CDH2: variants seen among roughly 807,000 people sequenced by gnomAD.
The protein encoded by CDH2 is cadherin 2, also known as cadherin-2.
CDH2 carries 17 observed loss-of-function variants against 92.0 expected under a neutral mutation model. The ratio of observed to expected loss-of-function variants is 0.18; its 90% CI spans 0.13 to 0.28. The LOEUF (loss-of-function observed/expected upper bound fraction) is 0.28. CDH2 is among the 10% of genes least tolerant of loss of function. The probability of loss-of-function intolerance (pLI) is 1.00; values close to 1 mark genes in which losing one functional copy is unlikely to be tolerated. For missense variants in CDH2, 862 were observed against 1,133.1 expected, an observed-to-expected ratio of 0.76 and a Z score of 3.44; for synonymous variants, 419 against 415.9, an observed-to-expected ratio of 1.01 and a Z score of -0.09.
At position 28,103,561 on chromosome 18, in the gene CDH2, T is replaced by A. The variant is rs573804098; in HGVS notation, c.172+44112A>T. ...ATACACTGCAGAACGTGCAGGTTTGTTACATAGGTATACACATGCCATGGT... is the reference window on the plus strand; with the variant it reads ...ATACACTGCAGAACGTGCAGGTTTGATACATAGGTATACACATGCCATGGT... On this transcript the variant is annotated intron_variant, in intron 2 of 15. Transcript: ENST00000269141. Among the ~76,000 whole-genome samples, 8 of 151,790 alleles carry A rather than the reference T, an allele frequency of 5.3e-5. No individual in the cohort carries two copies. The South Asian group carries it at 1.5e-3, about 28-fold the overall frequency.
intron 7 of CDH2, among the ~76,000 whole-genome samples, chr18:27,998,922 T>G (rs887845518): frequency 6.6e-6 from 1 of 152,096 alleles, no homozygotes; most frequent in African/African-American, 2.4e-5. Context: ...AGGTAAAGTA[T>G]AGTAACTTAA....
intron 4 of CDH2, among the ~76,000 whole-genome samples, chr18:28,010,413 C>T (rs1220450940): frequency 6.6e-6 from 1 of 152,152 alleles, no homozygotes. Context: ...TTTTAAGTGA[C>T]ACCTGAAATT....
At chr18:28,013,429 T>C (rs552344112) in intron 3 of CDH2, among the ~76,000 whole-genome samples, 15 of 152,342 alleles carry the variant, frequency 9.8e-5, no homozygotes, top group African/African-American at 3.4e-4. Context: ...TAAAACAAAC[T>C]GCTTCTAACT....
chr18:28,008,101 A>G (rs1301170309), intron 5 of CDH2, among the ~76,000 whole-genome samples: 1 of 152,180 alleles, frequency 6.6e-6, no homozygotes, highest in Non-Finnish European at 1.5e-5. Flanking sequence ...TGACCTGAAT[A>G]TACTCATTTC....
intron 5 of CDH2, among the ~76,000 whole-genome samples, chr18:28,007,792 G>C (rs1053113363): frequency 2.0e-5 from 3 of 152,024 alleles, no homozygotes; most frequent in African/African-American, 7.2e-5. Flanking sequence ...GCATTGGCAC[G>C]ATCTCGGCTT....
chr18:27,947,469 A>G (rs190925178), downstream of CDH2, among the ~76,000 whole-genome samples: 5 of 151,984 alleles, frequency 3.3e-5, no homozygotes, highest in Admixed American at 2.6e-4. Context: ...ACTTCACAAA[A>G]TAATTCTACA....
At chr18:28,104,006 G>C (rs1187306776) in intron 2 of CDH2, among the ~76,000 whole-genome samples, 1 of 152,092 alleles carries the variant, frequency 6.6e-6, no homozygotes, top group African/African-American at 2.4e-5. Flanking sequence ...CACTTTTTCT[G>C]GCAAAGTCTG....
At chr18:28,076,926 A>G (rs2014731876) in intron 2 of CDH2, among the ~76,000 whole-genome samples, 1 of 152,136 alleles carries the variant, frequency 6.6e-6, no homozygotes, top group Admixed American at 6.6e-5. Flanking sequence ...TAAATGCTAT[A>G]ATGCATAGGA....
chr18:28,078,464 C>T (rs891034324), intron 2 of CDH2, among the ~76,000 whole-genome samples: 89 of 151,962 alleles, frequency 5.9e-4, no homozygotes, highest in African/African-American at 2.1e-3. Context: ...ACAGCAGAGA[C>T]CATAGTTGGT....
At chr18:27,947,437 T>G (rs966981141), downstream of CDH2, among the ~76,000 whole-genome samples, 8 of 151,780 alleles carry the variant, frequency 5.3e-5, no homozygotes, top group African/African-American at 1.9e-4. Flanking sequence ...TCAATCAAAT[T>G]TTGAATAAAA....
At chr18:28,003,730 C>T (rs147759281) in intron 6 of CDH2, among the ~76,000 whole-genome samples, 8 of 152,274 alleles carry the variant, frequency 5.3e-5, no homozygotes, top group African/African-American at 1.2e-4. Context: ...GATTTGGCAT[C>T]GTGGTTCATT....
At chr18:28,122,295 C>T (rs570698337) in intron 2 of CDH2, among the ~76,000 whole-genome samples, 2 of 152,174 alleles carry the variant, frequency 1.3e-5, no homozygotes, top group South Asian at 2.1e-4. Context: ...TCAAACAACC[C>T]CCCTTTTTAA....
intron 14 of CDH2, among the ~76,000 whole-genome samples, chr18:27,980,407 G>C (rs910304974): frequency 5.3e-5 from 8 of 152,176 alleles, no homozygotes; most frequent in African/African-American, 1.9e-4. Flanking sequence ...GGAGGTAAGT[G>C]AAGGTAGAGG....
At chr18:28,017,083 G>C (rs548895940) in intron 2 of CDH2, among the ~76,000 whole-genome samples, 1 of 151,968 alleles carries the variant, frequency 6.6e-6, no homozygotes, top group Non-Finnish European at 1.5e-5. Context: ...GTAGTTTTTT[G>C]TTGTTGTTCT....
At chr18:28,133,901 G>A (rs539949584) in intron 2 of CDH2, among the ~76,000 whole-genome samples, 1 of 152,200 alleles carries the variant, frequency 6.6e-6, no homozygotes, top group South Asian at 2.1e-4. Context: ...GTTCACGTCT[G>A]TAATCCCAAC....
intron 1 of CDH2, among the ~76,000 whole-genome samples, chr18:28,174,316 G>A (rs985680251): frequency 4.6e-5 from 7 of 151,980 alleles, no homozygotes; most frequent in African/African-American, 7.3e-5. Flanking sequence ...TCACCTTGCA[G>A]ATAGAGCTTT....
chr18:28,151,348 C>T (rs1568018314), intron 1 of CDH2, among the ~76,000 whole-genome samples: 2 of 152,196 alleles, frequency 1.3e-5, no homozygotes, highest in Non-Finnish European at 2.9e-5. Context: ...TGGCTACTGG[C>T]TCTCAGTTGG....
At chr18:27,938,314 G>T (rs1449354887) in intron 6 of CDH2, among the ~76,000 whole-genome samples, 1 of 152,042 alleles carries the variant, frequency 6.6e-6, no homozygotes, top group African/African-American at 2.4e-5. Context: ...TTCTTTATAG[G>T]CAATGTGAGA....
intron 2 of CDH2, among the ~76,000 whole-genome samples, chr18:28,047,139 G>A (rs982762506): frequency 7.2e-5 from 11 of 151,974 alleles, no homozygotes; most frequent in Admixed American, 2.0e-4. Context: ...ACAAATTACC[G>A]TCACTTCCAT....
Sources: gnomAD v4.1 joint callset for allele counts (sites outside exome capture counted in the v4.1 genomes callset) on GRCh38, gnomAD v4.1.1 for gene constraint, MANE v1.5 for transcripts, NCBI Gene and HGNC (gene_info 2026-07-23, HGNC 2026-07-21) for gene names.